Variants in BLACAT1 observed in about 807,000 individuals in gnomAD.
BLACAT1 encodes the protein BLACAT1 overlapping LEMD1 locus, also known as bladder cancer associated transcript 1.
At chr1:205,438,394 A>G (rs1666240588), downstream of BLACAT1, among the ~76,000 whole-genome samples, 2 of 152,200 alleles carry the variant, frequency 1.3e-5, no homozygotes, top group South Asian at 4.1e-4. Flanking sequence ...AGCCAGGCCA[A>G]CCCTAGAAGG....
chr1:205,454,527 AGTGT>A lies in BLACAT1; in HGVS notation c.-37+1386_-37+1389del, dbSNP rs746207549. On this transcript the variant is annotated intron_variant, in intron 1 of 1. Coordinates refer to ENST00000629624, the Ensembl canonical transcript of BLACAT1. ...CTTGGAGGAAGTGTTATCTGGTGTGAGTGTGTGTGTGTGTGTGTGTGTGAGAGAG... is the reference window on the plus strand; with the variant it reads ...CTTGGAGGAAGTGTTATCTGGTGTGAGTGTGTGTGTGTGTGTGTGAGAGAG... Among the ~76,000 whole-genome samples the A allele has an allele frequency of 5.6e-3, 830 of 149,154 alleles. 5 individuals are homozygous for A. The highest frequency in any genetic ancestry group is 1.0e-2 in the Non-Finnish European group (674 of 67,434).
chr1:205,451,980 T>C (rs563129856), intron 1 of BLACAT1, among the ~76,000 whole-genome samples: 23 of 151,700 alleles, frequency 1.5e-4, no homozygotes, highest in African/African-American at 4.8e-4. Flanking sequence ...AAAGAGAAAC[T>C]GGAGGCAGAG....
exon 2 of BLACAT1, among the ~76,000 whole-genome samples, chr1:205,440,336 TTCC>T (rs1666271678): frequency 6.6e-6 from 1 of 152,182 alleles, no homozygotes; most frequent in Admixed American, 6.5e-5. Flanking sequence ...CACCTCTGCC[TTCC>T]TCCTCACTGG....
intron 1 of BLACAT1, among the ~76,000 whole-genome samples, chr1:205,447,686 G>A (rs1465216692): frequency 6.6e-6 from 1 of 152,058 alleles, no homozygotes; most frequent in Non-Finnish European, 1.5e-5. Context: ...CACACCGCAG[G>A]AGGGGGCAGC....
intron 1 of BLACAT1, among the ~76,000 whole-genome samples, chr1:205,442,484 CCAGA>C (rs879346338): frequency 6.6e-6 from 1 of 152,180 alleles, no homozygotes; most frequent in Non-Finnish European, 1.5e-5. Context: ...TCGTGTTTCT[CCAGA>C]CAGAGCCAAG....
chr1:205,438,349 G>A (rs149311275), downstream of BLACAT1, among the ~76,000 whole-genome samples: 226 of 152,338 alleles, frequency 1.5e-3, 8 homozygotes, highest in East Asian at 0.042. Context: ...GAGTCTCTGG[G>A]AGAGAACCAT....
Position 205,441,015 on chromosome 1 carries a change from G to A in BLACAT1, c.12C>T (p.Phe4=), listed in dbSNP as rs1277126529. The change falls in exon 2 of 2, where the codon TTC becomes TTT. Residue 4 remains phenylalanine, a synonymous_variant. Transcript: ENST00000629624. This position sits in a 1 kb window ranked among gnomAD's most constrained non-coding sequence, Gnocchi z 4.3. ...GGAGACCACAGAAGCAGGCGAAAGT[G>A]AACTGGGGCATGCCCTACGCCAGGC... 2.0e-5 allele frequency: 3 copies of A among 152,470 alleles called. No individual in the cohort carries two copies. The highest frequency in any genetic ancestry group is 2.0e-4 in the Admixed American group (3 of 15,288). The allele number at this position is 152,470 out of a possible 1,614,324, so 9.4% of individuals were successfully genotyped here. A position where few individuals can be genotyped will look rare whatever the true frequency, so the allele number is the denominator to read the frequency against.
chr1:205,438,620 T>C (rs1666245595), downstream of BLACAT1, among the ~76,000 whole-genome samples: 1 of 152,178 alleles, frequency 6.6e-6, no homozygotes, highest in Non-Finnish European at 1.5e-5. Context: ...TGTGCCTGGC[T>C]AGAAGCTGCT....
intron 1 of BLACAT1, among the ~76,000 whole-genome samples, chr1:205,454,441 G>T (rs1227495388): frequency 2.0e-5 from 3 of 151,944 alleles, no homozygotes; most frequent in Non-Finnish European, 4.4e-5. Flanking sequence ...GGATGGGGGT[G>T]GGGGGTGGTG....
At chr1:205,437,650 C>T (rs1666230821), downstream of BLACAT1, 1 of 152,262 alleles carries the variant, frequency 6.6e-6, no homozygotes, top group South Asian at 2.1e-4. Flanking sequence ...AACCTGCGAC[C>T]CTCTGGTTCC....
intron 1 of BLACAT1, among the ~76,000 whole-genome samples, chr1:205,442,592 T>A (rs1666313061): frequency 6.6e-6 from 1 of 152,144 alleles, no homozygotes; most frequent in Non-Finnish European, 1.5e-5. Flanking sequence ...AGCTAATAGC[T>A]GTAATTAATA....
chr1:205,438,476 C>T (rs1024601268), downstream of BLACAT1, among the ~76,000 whole-genome samples: 1 of 152,346 alleles, frequency 6.6e-6, no homozygotes, highest in Non-Finnish European at 1.5e-5. Flanking sequence ...TTTGGCCTTT[C>T]CCTATTCCCT....
chr1:205,447,717 C>T (rs1005522199), intron 1 of BLACAT1, among the ~76,000 whole-genome samples: 5 of 150,776 alleles, frequency 3.3e-5, no homozygotes, highest in African/African-American at 4.9e-5. Flanking sequence ...GGTAGCACAC[C>T]AGGAGCCAGG....
chr1:205,444,301 TC>T (rs1666346270), intron 1 of BLACAT1, among the ~76,000 whole-genome samples: 1 of 152,094 alleles, frequency 6.6e-6, no homozygotes, highest in Non-Finnish European at 1.5e-5. Context: ...CCTGGCTTCT[TC>T]CCCATCCTCC....
At position 205,450,448 on chromosome 1, in the gene BLACAT1, G is replaced by A. The variant is rs902696090; in HGVS notation, c.-37+5469C>T. Among the ~76,000 whole-genome samples, 7 of 145,448 alleles carry A rather than the reference G, an allele frequency of 4.8e-5. No individual in the cohort carries two copies. Among genetic ancestry groups the A allele is most frequent in the African/African-American group, 1.8e-4 (7 of 38,776 alleles). On this transcript the variant is annotated intron_variant, in intron 1 of 1. Transcript: ENST00000629624. This position sits in a 1 kb window ranked among gnomAD's most constrained non-coding sequence, Gnocchi z 4.4. ...CCCTGCAGGCCCCCCTCTCCTGCCTGGCCCCCCTCCCCTTCTCCGCAGCCC... is the reference window on the plus strand; with the variant it reads ...CCCTGCAGGCCCCCCTCTCCTGCCTAGCCCCCCTCCCCTTCTCCGCAGCCC...
At chr1:205,443,349 A>G (rs1016909911) in intron 1 of BLACAT1, among the ~76,000 whole-genome samples, 4 of 151,852 alleles carry the variant, frequency 2.6e-5, no homozygotes, top group East Asian at 1.9e-4. Flanking sequence ...TTTCTTAAAA[A>G]CAGCAGAATA....
At position 205,450,823 on chromosome 1, in the gene BLACAT1, G is replaced by A. The variant is rs1326246173; in HGVS notation, c.-37+5094C>T. On this transcript the variant is annotated intron_variant, in intron 1 of 1. Coordinates refer to ENST00000629624, the Ensembl canonical transcript of BLACAT1. The surrounding 1 kb of genome is among the most constrained non-coding windows in gnomAD (Gnocchi z 4.4). ...GGTGGGGACAGCCATCATGTCTCAG[G>A]CTGGAGTGAACCTCACTTGAAATAT... is the stretch of plus-strand genomic sequence containing the variant. Among the ~76,000 whole-genome samples the A allele has an allele frequency of 1.3e-5, 2 of 152,190 alleles. No individual in the cohort carries two copies. The highest frequency in any genetic ancestry group is 1.5e-5 in the Non-Finnish European group (1 of 68,030).
intron 1 of BLACAT1, among the ~76,000 whole-genome samples, chr1:205,443,845 C>T (rs865844211): frequency 7.9e-5 from 12 of 152,168 alleles, no homozygotes; most frequent in African/African-American, 2.4e-4. Flanking sequence ...TATCCCTGCC[C>T]GCTGTGAACC....
chr1:205,455,955 C>T (rs1666557639), exon 1 of BLACAT1: 1 of 152,328 alleles, frequency 6.6e-6, no homozygotes, highest in South Asian at 2.1e-4. Flanking sequence ...CACTCACTTC[C>T]TTTGTGTCTC....
Sources: allele counts gnomAD v4.1 joint callset (sites outside exome capture counted in the v4.1 genomes callset), GRCh38; gene constraint gnomAD v4.1.1; non-coding constraint Gnocchi (gnomAD v3.1); transcripts MANE v1.5; gene names NCBI Gene and HGNC (gene_info 2026-07-23, HGNC 2026-07-21).